The following KIF6 variants were observed in gnomAD, a reference collection of about 807,000 sequenced individuals.
KIF6 encodes kinesin-like protein KIF6.
A neutral mutation model predicts 112.7 loss-of-function variants in KIF6; 106 were observed. That is an observed-to-expected ratio of 0.94 (90% CI 0.80 to 1.11). KIF6 has a LOEUF of 1.11. Ranked by LOEUF, KIF6 falls within the 50% of genes least tolerant of loss-of-function variation. The pLI is 0.00. For synonymous variants in KIF6, 339 were observed against 339.9 expected (o/e 1.00, Z 0.03); for missense variants, 929 against 964.0 (o/e 0.96, Z 0.48).
chr6:39,699,393 T>C (rs563563920), intron 3 of KIF6, among the ~76,000 whole-genome samples: 21 of 151,804 alleles, frequency 1.4e-4, no homozygotes, highest in Admixed American at 4.6e-4. Flanking sequence ...GAAAGAGCAT[T>C]CCAGACACAG....
At chr6:39,419,190 C>A (rs1201726759) in intron 15 of KIF6, among the ~76,000 whole-genome samples, 1 of 151,832 alleles carries the variant, frequency 6.6e-6, no homozygotes, top group Non-Finnish European at 1.5e-5. Context: ...CCCATCTCTA[C>A]TAAAATCACA....
At chr6:39,439,400 A>G (rs1771770270) in intron 13 of KIF6, among the ~76,000 whole-genome samples, 1 of 152,172 alleles carries the variant, frequency 6.6e-6, no homozygotes, top group African/African-American at 2.4e-5. Flanking sequence ...CTGAAATATG[A>G]ATGATTAAGA....
chr6:39,672,303 A>G (rs905739342), intron 3 of KIF6, among the ~76,000 whole-genome samples: 4 of 152,142 alleles, frequency 2.6e-5, no homozygotes, highest in Non-Finnish European at 5.9e-5. Context: ...TCTTGTTTAT[A>G]TCAATTAGCT....
At chr6:39,696,365 C>T (rs574973453) in intron 3 of KIF6, among the ~76,000 whole-genome samples, 16 of 152,180 alleles carry the variant, frequency 1.1e-4, no homozygotes, top group African/African-American at 3.9e-4. Context: ...CTTTTTCCTT[C>T]CTGTTGCCTA....
chr6:39,711,047 T>A (rs1789519667), intron 3 of KIF6, among the ~76,000 whole-genome samples: 1 of 148,692 alleles, frequency 6.7e-6, no homozygotes, highest in Non-Finnish European at 1.5e-5. Context: ...AATTAAAAAA[T>A]TAAATAATAA....
intron 10 of KIF6, among the ~76,000 whole-genome samples, chr6:39,561,446 G>A (rs1780004534): frequency 6.6e-6 from 1 of 151,892 alleles, no homozygotes; most frequent in South Asian, 2.1e-4. Context: ...CCGCCTTCTG[G>A]GTTCAAGAGA....
chr6:39,346,126 C>CTCTCTCTCTCTCTCT (rs1562113307), intron 20 of KIF6, among the ~76,000 whole-genome samples: 1 of 23,842 alleles, frequency 4.2e-5, no homozygotes, highest in Non-Finnish European at 8.2e-5. Flanking sequence ...CCTCTCCCTC[C>CTCTCTCTCTCTCTCT]CTCTCCCTCT....
At chr6:39,584,796 T>G (rs1240313915) in intron 9 of KIF6, 102 bp downstream of exon 9, 1 of 671,552 alleles carries the variant, frequency 1.5e-6, no homozygotes, top group Non-Finnish European at 2.6e-6. Context: ...ATGTTTCCAC[T>G]ACTTAGAACA....
chr6:39,611,760 G>C (rs887842545), intron 6 of KIF6, among the ~76,000 whole-genome samples: 4 of 152,128 alleles, frequency 2.6e-5, no homozygotes, highest in African/African-American at 9.7e-5. Flanking sequence ...TGGAGGAACA[G>C]GATTTAGTGG....
chr6:39,464,028 T>C (rs1471342186), intron 13 of KIF6, among the ~76,000 whole-genome samples: 1 of 152,218 alleles, frequency 6.6e-6, no homozygotes, highest in Non-Finnish European at 1.5e-5. Flanking sequence ...AGTTTGTGGC[T>C]GATCATATTT....
chr6:39,641,588 A>G (rs1412290571), intron 3 of KIF6, among the ~76,000 whole-genome samples: 1 of 152,130 alleles, frequency 6.6e-6, no homozygotes, highest in Non-Finnish European at 1.5e-5. Flanking sequence ...GCACATGTAT[A>G]CAAATGTAAC....
intron 14 of KIF6, among the ~76,000 whole-genome samples, chr6:39,427,205 C>T (rs1770832443): frequency 6.6e-6 from 1 of 152,140 alleles, no homozygotes; most frequent in African/African-American, 2.4e-5. Context: ...GCCCATCTTC[C>T]CACAGTTGGG....
intron 5 of KIF6, among the ~76,000 whole-genome samples, chr6:39,613,757 T>C (rs566015060): frequency 6.6e-6 from 1 of 152,326 alleles, no homozygotes; most frequent in East Asian, 1.9e-4. Context: ...CATTTCAAAC[T>C]GGTTCACTTA....
intron 6 of KIF6, among the ~76,000 whole-genome samples, chr6:39,604,454 AC>A (rs1323711053): frequency 6.6e-6 from 1 of 152,156 alleles, no homozygotes; most frequent in Non-Finnish European, 1.5e-5. Context: ...TTCAGAACAC[AC>A]TGCCTAGCAA....
chr6:39,452,702 T>C (rs1399610643), intron 13 of KIF6, among the ~76,000 whole-genome samples: 1 of 152,044 alleles, frequency 6.6e-6, no homozygotes, highest in Non-Finnish European at 1.5e-5. Context: ...GAGCAGGATG[T>C]GAAAAAGGAG....
chr6:39,587,353 G>T (rs1781693851), intron 7 of KIF6, among the ~76,000 whole-genome samples: 2 of 152,182 alleles, frequency 1.3e-5, no homozygotes, highest in Admixed American at 1.3e-4. Context: ...TTCCAGGTGT[G>T]TGATTTCCAT....
intron 14 of KIF6, among the ~76,000 whole-genome samples, chr6:39,428,047 G>A (rs1770890822): frequency 6.6e-6 from 1 of 152,192 alleles, no homozygotes. Context: ...AACCTGTAGT[G>A]TTTGGGGGAT....
intron 13 of KIF6, among the ~76,000 whole-genome samples, chr6:39,524,660 A>G (rs1017258138): frequency 6.6e-6 from 1 of 152,148 alleles, no homozygotes; most frequent in African/African-American, 2.4e-5. Flanking sequence ...GTCCCCAGCC[A>G]TAACTTAGGA....
intron 9 of KIF6, among the ~76,000 whole-genome samples, chr6:39,580,403 T>C (rs568364389): frequency 6.6e-6 from 1 of 152,232 alleles, no homozygotes; most frequent in East Asian, 1.9e-4. Context: ...GGATGTTCTA[T>C]GTAAGCAACA....
Sources: allele counts gnomAD v4.1 joint callset (sites outside exome capture counted in the v4.1 genomes callset), GRCh38; gene constraint gnomAD v4.1.1; transcripts MANE v1.5; gene names NCBI Gene and HGNC (gene_info 2026-07-23, HGNC 2026-07-21).